The following EFCAB5 variants were observed in gnomAD, a reference collection of about 807,000 sequenced individuals.
EFCAB5 encodes the protein EF-hand calcium-binding domain-containing protein 5.
In EFCAB5, 131 loss-of-function variants were observed where a neutral mutation model predicts 167.9. The observed-to-expected ratio is 0.78, with a 90% CI of 0.68 to 0.90. The LOEUF is 0.90. EFCAB5 is among the 40% of genes least tolerant of loss of function. The pLI is 0.00. For missense variants in EFCAB5, 1,663 were observed against 1,745.2 expected, an observed-to-expected ratio of 0.95 and a Z score of 0.84; for synonymous variants, 574 against 602.8, an observed-to-expected ratio of 0.95 and a Z score of 0.70.
chr17:29,942,843 G>A (rs2067320226), intron 2 of EFCAB5, among the ~76,000 whole-genome samples: 1 of 152,080 alleles, frequency 6.6e-6, no homozygotes, highest in African/African-American at 2.4e-5. Flanking sequence ...TTCAAGACCG[G>A]ACTGGCCAAC....
At chr17:30,071,247 A>G (rs2070729582) in intron 14 of EFCAB5, among the ~76,000 whole-genome samples, 1 of 123,390 alleles carries the variant, frequency 8.1e-6, no homozygotes, top group Non-Finnish European at 1.8e-5. Context: ...TCATCTGACA[A>G]GGGATTAATA....
At chr17:30,071,465 G>T (rs1475687075) in intron 14 of EFCAB5, among the ~76,000 whole-genome samples, 2 of 151,034 alleles carry the variant, frequency 1.3e-5, no homozygotes, top group African/African-American at 2.4e-5. Flanking sequence ...TCTCACCCTG[G>T]CTAGAATGGC....
At chr17:30,004,024 C>T (rs1348205813) in intron 7 of EFCAB5, among the ~76,000 whole-genome samples, 1 of 152,166 alleles carries the variant, frequency 6.6e-6, no homozygotes, top group Admixed American at 6.5e-5. Context: ...GAAAACTCTC[C>T]ACAAAGAAAA....
intron 4 of EFCAB5, among the ~76,000 whole-genome samples, chr17:29,975,803 C>G (rs1321541412): frequency 6.6e-6 from 1 of 152,150 alleles, no homozygotes; most frequent in African/African-American, 2.4e-5. Context: ...ACCTGGGGTG[C>G]TTGGTTAAAA....
chr17:30,012,751 A>T (rs1021264145), intron 7 of EFCAB5, among the ~76,000 whole-genome samples: 1 of 151,648 alleles, frequency 6.6e-6, no homozygotes, highest in Admixed American at 6.6e-5. Context: ...ATGGGGAGAG[A>T]CCCGCCGACC....
At chr17:30,028,474 G>GTA (rs2069390269) in intron 7 of EFCAB5, among the ~76,000 whole-genome samples, 1 of 152,150 alleles carries the variant, frequency 6.6e-6, no homozygotes, top group Non-Finnish European at 1.5e-5. Flanking sequence ...CTTTTGGCGA[G>GTA]GTTGAGGCAA....
chr17:29,986,936 C>T (rs71371142), intron 4 of EFCAB5, among the ~76,000 whole-genome samples: 1,892 of 152,162 alleles, frequency 0.012, 23 homozygotes, highest in Non-Finnish European at 0.02. Flanking sequence ...CGTGAGCCAC[C>T]GCGCCCGGCC....
At chr17:29,932,463 T>TC (rs1450375227) in intron 1 of EFCAB5, among the ~76,000 whole-genome samples, 1 of 143,002 alleles carries the variant, frequency 7.0e-6, no homozygotes, top group Non-Finnish European at 1.5e-5. Flanking sequence ...TTTTTTTTTT[T>TC]TTTTTTTTTG....
chr17:29,963,728 T>C (rs1327601206), intron 3 of EFCAB5, among the ~76,000 whole-genome samples: 1 of 152,220 alleles, frequency 6.6e-6, no homozygotes, highest in African/African-American at 2.4e-5. Context: ...CTTTACTTGT[T>C]AGAGGTCTGA....
At chr17:30,013,587 C>A (rs2068959157) in intron 7 of EFCAB5, among the ~76,000 whole-genome samples, 1 of 152,182 alleles carries the variant, frequency 6.6e-6, no homozygotes, top group African/African-American at 2.4e-5. Flanking sequence ...AGTTTATTTG[C>A]ATAGAGGTGT....
intron 22 of EFCAB5, among the ~76,000 whole-genome samples, chr17:30,100,782 G>A (rs2071372098): frequency 6.6e-6 from 1 of 151,228 alleles, no homozygotes; most frequent in South Asian, 2.1e-4. Flanking sequence ...AAAAAGGTGA[G>A]ATTTAAGCAA....
At position 30,096,666 on chromosome 17, in the gene EFCAB5, TATATATATA is replaced by T. The variant is rs1204418143; in HGVS notation, c.4321+3731_4321+3739del. On this transcript the variant is annotated intron_variant, in intron 22 of 22. Coordinates refer to ENST00000394835, the MANE Select transcript of EFCAB5 (RefSeq NM_198529.4). Reference sequence around the variant, plus strand: ...TATCCTGAAAGCATATATATATATATATATATATATATTTTTTTTTTTTTTTTTTTTGAG... The same window carrying T: ...TATCCTGAAAGCATATATATATATATTATTTTTTTTTTTTTTTTTTTTGAG... Among the ~76,000 whole-genome samples the T allele has an allele frequency of 2.8e-3, 170 of 60,770 alleles. 3 individuals are homozygous for T. Among genetic ancestry groups the T allele is most frequent in the African/African-American group, 0.012 (155 of 12,950 alleles). 39.9% of individuals were successfully genotyped at this position (60,770 alleles called of 152,430 possible). A position where few individuals can be genotyped will look rare whatever the true frequency, so the allele number is the denominator to read the frequency against.
At chr17:30,024,504 C>G (rs2151715060) in intron 7 of EFCAB5, among the ~76,000 whole-genome samples, 1 of 152,214 alleles carries the variant, frequency 6.6e-6, no homozygotes, top group African/African-American at 2.4e-5. Context: ...TCAAGGAGAA[C>G]TACAAACCAC....
chr17:29,954,400 C>A lies in EFCAB5; in HGVS notation c.190+10751C>A, dbSNP rs143634668. 4.6e-5 allele frequency among the ~76,000 whole-genome samples: 7 copies of A among 152,304 alleles called. No homozygotes were observed. The East Asian group carries it at 9.6e-4, about 21-fold the overall frequency. On this transcript the variant is annotated intron_variant, in intron 3 of 22. Transcript: ENST00000394835. Reference sequence around the variant, plus strand: ...CTTGGTGCCCTGCATCCCATCCACTCCAGCTGTGGCTAAAAGGGACCAATG... The same window carrying A: ...CTTGGTGCCCTGCATCCCATCCACTACAGCTGTGGCTAAAAGGGACCAATG...
chr17:30,072,510 C>G (rs1332582855), intron 14 of EFCAB5, among the ~76,000 whole-genome samples: 1 of 152,272 alleles, frequency 6.6e-6, no homozygotes, highest in East Asian at 1.9e-4. Flanking sequence ...ATTCCTGATG[C>G]TATTCCTTTG....
At position 30,004,902 on chromosome 17, in the gene EFCAB5, T is replaced by A. The variant is rs566998919; in HGVS notation, c.1044+4926T>A. On this transcript the variant is annotated intron_variant, in intron 7 of 22. Transcript: ENST00000394835. Reference sequence around the variant, plus strand: ...TGCCTACCTCGGCCTCCCAAAGTTGTGGGATTACAGGTGTGAGCCACTGTG... The same window carrying A: ...TGCCTACCTCGGCCTCCCAAAGTTGAGGGATTACAGGTGTGAGCCACTGTG... Among the ~76,000 whole-genome samples, 13 of 150,060 alleles carry A rather than the reference T, an allele frequency of 8.7e-5. 1 individual carries two copies. The Middle Eastern group carries it at 0.014, about 160-fold the overall frequency.
chr17:30,090,771 T>C, intron 20 of EFCAB5, 97 bp downstream of exon 20: 1 of 1,456,404 alleles, frequency 6.9e-7, no homozygotes, highest in Non-Finnish European at 9.2e-7. Flanking sequence ...TAAAATGAAT[T>C]GTTACAACAT....
At chr17:29,977,334 A>G (rs572108728) in intron 4 of EFCAB5, among the ~76,000 whole-genome samples, 1 of 151,650 alleles carries the variant, frequency 6.6e-6, no homozygotes, top group Non-Finnish European at 1.5e-5. Flanking sequence ...ATTTTACTGT[A>G]TGATATTTTT....
At chr17:30,006,679 T>C (rs2068779971) in intron 7 of EFCAB5, among the ~76,000 whole-genome samples, 1 of 152,226 alleles carries the variant, frequency 6.6e-6, no homozygotes, top group African/African-American at 2.4e-5. Context: ...AGACAGAGTC[T>C]CACTCTATCA....
Sources: allele counts gnomAD v4.1 joint callset (sites outside exome capture counted in the v4.1 genomes callset), GRCh38; gene constraint gnomAD v4.1.1; transcripts MANE v1.5; gene names NCBI Gene and HGNC (gene_info 2026-07-23, HGNC 2026-07-21).